RBFOX1: variants seen among roughly 807,000 people sequenced by gnomAD.
RBFOX1 encodes the protein RNA binding protein fox-1 homolog 1.
RBFOX1 carries 8 observed loss-of-function variants against 57.7 expected under a neutral mutation model. The observed-to-expected ratio is 0.14, with a 90% CI of 0.08 to 0.25. RBFOX1 has a LOEUF of 0.25. Among genes scored for constraint, RBFOX1 ranks in the 10% least tolerant of loss-of-function variants. The pLI is 1.00. For missense variants in RBFOX1, 611 were observed against 548.5 expected (o/e 1.11, Z -1.14); for synonymous variants, 326 against 222.4 (o/e 1.47, Z -4.15).
chr16:6,973,456 A>G (rs975766067), intron 3 of RBFOX1, among the ~76,000 whole-genome samples: 4 of 152,206 alleles, frequency 2.6e-5, no homozygotes, highest in African/African-American at 9.7e-5. Context: ...ACATGCAAGT[A>G]ATAGACTGTT....
chr16:5,312,982 A>T (rs1454637488), intron 1 of RBFOX1, among the ~76,000 whole-genome samples: 1 of 152,108 alleles, frequency 6.6e-6, no homozygotes, highest in African/African-American at 2.4e-5. Flanking sequence ...AATGATGCTT[A>T]GTGCCTTTTT....
chr16:6,512,809 C>T (rs1366976416), intron 2 of RBFOX1, among the ~76,000 whole-genome samples: 1 of 152,166 alleles, frequency 6.6e-6, no homozygotes, highest in African/African-American at 2.4e-5. Context: ...TAGCCACAGC[C>T]AAGCCTAAGC....
intron 4 of RBFOX1, among the ~76,000 whole-genome samples, chr16:7,330,435 G>A (rs2096670542): frequency 2.7e-5 from 3 of 109,648 alleles, no homozygotes; most frequent in Non-Finnish European, 5.2e-5. Flanking sequence ...GAGGTTGGTT[G>A]AATCTATGGA....
At chr16:6,796,286 T>C (rs1158884813) in intron 3 of RBFOX1, among the ~76,000 whole-genome samples, 1 of 152,142 alleles carries the variant, frequency 6.6e-6, no homozygotes, top group Non-Finnish European at 1.5e-5. Flanking sequence ...CTCACTGGGT[T>C]CCTCCCATGA....
intron 2 of RBFOX1, among the ~76,000 whole-genome samples, chr16:5,560,341 T>C (rs1015235115): frequency 2.0e-5 from 3 of 150,436 alleles, no homozygotes; most frequent in South Asian, 4.1e-4. Context: ...TCACCTCCTC[T>C]AGGAACCATT....
Position 6,717,298 on chromosome 16 carries a change from C to T in RBFOX1, c.-16+62648C>T, listed in dbSNP as rs535371038. 9.2e-5 allele frequency among the ~76,000 whole-genome samples: 14 copies of T among 151,842 alleles called. No individual in the cohort carries two copies. The South Asian group carries it at 2.7e-3, about 29-fold the overall frequency. ...GTGTCAGACTTGCATCTAATTGAGC[C>T]GCAAGCCTTGAACTTATCAGCTTTG... is the stretch of plus-strand genomic sequence containing the variant. On this transcript the variant is annotated intron_variant, in intron 3 of 15. Coordinates refer to ENST00000550418, the MANE Select transcript of RBFOX1 (RefSeq NM_018723.4).
chr16:7,320,409 C>T (rs1432545964), intron 4 of RBFOX1, among the ~76,000 whole-genome samples: 1 of 152,212 alleles, frequency 6.6e-6, no homozygotes, highest in East Asian at 1.9e-4. Context: ...GACATGATCT[C>T]ATCCTTTTTT....
intron 3 of RBFOX1, among the ~76,000 whole-genome samples, chr16:6,854,540 A>G (rs989850169): frequency 2.0e-5 from 3 of 149,154 alleles, no homozygotes; most frequent in South Asian, 2.1e-4. Flanking sequence ...GGCCAACGAC[A>G]TCTTCTGAAC....
At chr16:7,336,539 A>T (rs1231021306) in intron 4 of RBFOX1, among the ~76,000 whole-genome samples, 1 of 152,234 alleles carries the variant, frequency 6.6e-6, no homozygotes, top group Non-Finnish European at 1.5e-5. Context: ...AACCTATAAC[A>T]AAAGTGACAG....
intron 3 of RBFOX1, among the ~76,000 whole-genome samples, chr16:7,003,342 C>G (rs1301810403): frequency 6.6e-6 from 1 of 151,936 alleles, no homozygotes; most frequent in Non-Finnish European, 1.5e-5. Flanking sequence ...CACTTGTAGT[C>G]CCAGCTACTC....
intron 2 of RBFOX1, among the ~76,000 whole-genome samples, chr16:6,592,052 C>T (rs1340118617): frequency 6.6e-6 from 1 of 152,060 alleles, no homozygotes; most frequent in Non-Finnish European, 1.5e-5. Flanking sequence ...TTCAGACTTC[C>T]ATGTGTGTGA....
chr16:6,632,118 A>C (rs1196477568), intron 2 of RBFOX1, among the ~76,000 whole-genome samples: 1 of 152,100 alleles, frequency 6.6e-6, no homozygotes, highest in Non-Finnish European at 1.5e-5. Context: ...TCCCTTGTTA[A>C]TTGTGTGTCC....
chr16:5,620,430 C>T (rs1183845678), intron 3 of RBFOX1, among the ~76,000 whole-genome samples: 1 of 152,156 alleles, frequency 6.6e-6, no homozygotes, highest in African/African-American at 2.4e-5. Context: ...CTGGGGCTGC[C>T]ATCACAGATC....
At chr16:7,597,517 T>A in intron 9 of RBFOX1, 86 bp downstream of exon 9, 1 of 1,220,888 alleles carries the variant, frequency 8.2e-7, no homozygotes, top group Non-Finnish European at 1.2e-6. Flanking sequence ...TACAACAAGC[T>A]GTGTTTGCCT....
At chr16:7,354,862 A>C (rs953655442) in intron 4 of RBFOX1, among the ~76,000 whole-genome samples, 13 of 152,214 alleles carry the variant, frequency 8.5e-5, no homozygotes, top group African/African-American at 3.1e-4. Context: ...TTTTATTGCT[A>C]AAAGTTCTGC....
chr16:7,630,542 A>G (rs1325357161), intron 10 of RBFOX1, 61 bp from the exon 11 acceptor site: 2 of 1,606,088 alleles, frequency 1.2e-6, no homozygotes, highest in African/African-American at 2.7e-5. Context: ...CATTGCCGTG[A>G]TCTCTCAGGT....
At chr16:5,868,368 C>G (rs555861757) in intron 4 of RBFOX1, among the ~76,000 whole-genome samples, 2 of 152,172 alleles carry the variant, frequency 1.3e-5, no homozygotes, top group African/African-American at 2.4e-5. Flanking sequence ...TTTTCAAGTT[C>G]AAGAAATTGC....
At chr16:6,507,558 G>A (rs76371180) in intron 2 of RBFOX1, among the ~76,000 whole-genome samples, 14,243 of 146,754 alleles carry the variant, frequency 0.097, 808 homozygotes, top group African/African-American at 0.13. Flanking sequence ...TGTAGTTCCA[G>A]CTACCCCCAG....
rs545190203 is a variant in RBFOX1 at position 6,464,575 on chromosome 16, T to C, written c.-64+147518T>C. Among the ~76,000 whole-genome samples, 5 of 152,318 alleles carry C rather than the reference T, an allele frequency of 3.3e-5. No individual in the cohort carries two copies. The South Asian group carries it at 6.2e-4, about 19-fold the overall frequency. ...CTGACATTTGAAGAAAGGACAATTA[T>C]ACCTTTTAAATTAATACCATTGTTT... On this transcript the variant is annotated intron_variant, in intron 2 of 15. Coordinates refer to ENST00000550418, the MANE Select transcript of RBFOX1 (RefSeq NM_018723.4).
Sources: allele counts gnomAD v4.1 joint callset (sites outside exome capture counted in the v4.1 genomes callset), GRCh38; gene constraint gnomAD v4.1.1; transcripts MANE v1.5; gene names NCBI Gene and HGNC (gene_info 2026-07-23, HGNC 2026-07-21).